The following SLC8A1 variants were observed in gnomAD, a reference collection of about 807,000 sequenced individuals.
SLC8A1 encodes the protein solute carrier family 8 member A1.
Under a neutral mutation model 68.3 loss-of-function variants are expected in SLC8A1, and 18 were observed. That is an observed-to-expected ratio of 0.26 (90% CI 0.18 to 0.39). The LOEUF (loss-of-function observed/expected upper bound fraction) is 0.39, where lower values mean the gene tolerates loss of function less well. Ranked by LOEUF, SLC8A1 falls within the 10% of genes least tolerant of loss-of-function variation. The pLI, the probability that SLC8A1 is intolerant of heterozygous loss-of-function variation, is 1.00. For synonymous variants in SLC8A1, 475 were observed against 415.5 expected (o/e 1.14, Z -1.74); for missense variants, 985 against 1,156.7 (o/e 0.85, Z 2.15).
chr2:40,350,312 T>G (rs1001837368), intron 2 of SLC8A1, among the ~76,000 whole-genome samples: 1 of 151,844 alleles, frequency 6.6e-6, no homozygotes, highest in African/African-American at 2.4e-5. Context: ...GGAGACTCTG[T>G]CTCTACAAAA....
chr2:40,473,593 C>T (rs1704116438), intron 1 of SLC8A1, among the ~76,000 whole-genome samples: 1 of 152,102 alleles, frequency 6.6e-6, no homozygotes, highest in African/African-American at 2.4e-5. Flanking sequence ...GTGTGTCTGG[C>T]CCATAAATAT....
chr2:40,384,097 CA>C (rs1682810156), intron 2 of SLC8A1, among the ~76,000 whole-genome samples: 1 of 145,770 alleles, frequency 6.9e-6, no homozygotes, highest in African/African-American at 2.7e-5. Context: ...CCCATCTCTA[CA>C]GTTTTTTTTT....
At chr2:40,359,580 T>G (rs1206095889) in intron 2 of SLC8A1, among the ~76,000 whole-genome samples, 1 of 152,064 alleles carries the variant, frequency 6.6e-6, no homozygotes, top group Non-Finnish European at 1.5e-5. Context: ...TATAACAGTT[T>G]GGTTTAGGGT....
chr2:40,157,481 A>G (rs2044767603), intron 6 of SLC8A1, among the ~76,000 whole-genome samples: 1 of 152,166 alleles, frequency 6.6e-6, no homozygotes, highest in Non-Finnish European at 1.5e-5. Context: ...GCTGTTGTGA[A>G]GAACAATATG....
intron 2 of SLC8A1, among the ~76,000 whole-genome samples, chr2:40,296,494 G>A: frequency 6.6e-6 from 1 of 152,140 alleles, no homozygotes; most frequent in East Asian, 1.9e-4. Flanking sequence ...GGGCATAATT[G>A]AAGTTCCCAA....
Position 40,175,247 on chromosome 2 carries a change from A to C in SLC8A1, c.1913-405T>G, listed in dbSNP as rs749939641. ...AGAAAAATGGAAAGGAAATGCAAGA[A>C]ATGAAATGCTTACCAAGCTCATTCA... is the stretch of plus-strand genomic sequence containing the variant. On this transcript the variant is annotated intron_variant, in intron 3 of 7. Transcript: ENST00000406785. 1 of 1,612,682 alleles carries C rather than the reference A, an allele frequency of 6.2e-7. No individual in the cohort carries two copies. The highest frequency in any genetic ancestry group is 8.5e-7 in the Non-Finnish European group (1 of 1,178,948).
Position 40,270,792 on chromosome 2 carries a change from T to C in SLC8A1, c.1809-92937A>G, listed in dbSNP as rs377305473. Among the ~76,000 whole-genome samples the C allele has an allele frequency of 3.9e-5, 6 of 152,124 alleles. No homozygotes were observed. The East Asian group carries it at 7.7e-4, about 20-fold the overall frequency. Reference sequence around the variant, plus strand: ...ATTACATTATTCCACTTACCACAGGTGGTAAGAGGTGGTGAGGAGGGAGGT... The same window carrying C: ...ATTACATTATTCCACTTACCACAGGCGGTAAGAGGTGGTGAGGAGGGAGGT... On this transcript the variant is annotated intron_variant, in intron 2 of 7. Coordinates refer to ENST00000406785, the Ensembl canonical transcript of SLC8A1.
intron 2 of SLC8A1, among the ~76,000 whole-genome samples, chr2:40,346,047 T>TAAAAAAAAAAAAAAAAAAAAAAA (rs774555210): frequency 2.4e-5 from 1 of 41,712 alleles, no homozygotes; most frequent in Non-Finnish European, 4.5e-5. Context: ...ACATTAACAG[T>TAAAAAAAAAAAAAAAAAAAAAAA]AAAAAAAAAA....
chr2:40,134,291 C>T (rs2040064530), intron 7 of SLC8A1, among the ~76,000 whole-genome samples: 1 of 151,962 alleles, frequency 6.6e-6, no homozygotes, highest in Admixed American at 6.6e-5. Flanking sequence ...AGGGTTTCAG[C>T]ATGTTGGCCA....
intron 2 of SLC8A1, among the ~76,000 whole-genome samples, chr2:40,335,958 G>C (rs1665842847): frequency 6.6e-6 from 1 of 152,214 alleles, no homozygotes; most frequent in African/African-American, 2.4e-5. Context: ...AAAGTCAGTG[G>C]GGAGAAAGGA....
At chr2:40,421,464 AC>A (rs1695484801) in intron 2 of SLC8A1, among the ~76,000 whole-genome samples, 1 of 152,138 alleles carries the variant, frequency 6.6e-6, no homozygotes. Context: ...AATACCTAGG[AC>A]CCCAGATATC....
chr2:40,357,590 C>T (rs6544325), intron 2 of SLC8A1, among the ~76,000 whole-genome samples: 77,626 of 151,082 alleles, frequency 0.51, 20,307 homozygotes, highest in Admixed American at 0.61. Context: ...CTAATGTAGA[C>T]GACAGGTTGA....
intron 2 of SLC8A1, among the ~76,000 whole-genome samples, chr2:40,405,549 C>G (rs1263139202): frequency 2.6e-5 from 4 of 152,178 alleles, no homozygotes; most frequent in African/African-American, 9.7e-5. Flanking sequence ...ATTCATTTTC[C>G]AATTTCTAAC....
intron 1 of SLC8A1, among the ~76,000 whole-genome samples, chr2:40,440,827 G>C (rs1700325595): frequency 6.6e-6 from 1 of 152,152 alleles, no homozygotes; most frequent in Non-Finnish European, 1.5e-5. Context: ...ATATCATACT[G>C]AATGGGCAAA....
At chr2:40,289,137 G>T (rs926907861) in intron 2 of SLC8A1, among the ~76,000 whole-genome samples, 1 of 150,910 alleles carries the variant, frequency 6.6e-6, no homozygotes, top group Admixed American at 6.6e-5. Flanking sequence ...AAACTTTTAC[G>T]CAATATCATT....
intron 2 of SLC8A1, among the ~76,000 whole-genome samples, chr2:40,410,806 C>T (rs1576251877): frequency 6.6e-6 from 1 of 152,040 alleles, no homozygotes; most frequent in Non-Finnish European, 1.5e-5. Context: ...AGCATTTTCA[C>T]ATACCTTATC....
At chr2:40,152,773 TG>T (rs2043693827) in intron 6 of SLC8A1, among the ~76,000 whole-genome samples, 1 of 151,780 alleles carries the variant, frequency 6.6e-6, no homozygotes, top group African/African-American at 2.4e-5. Context: ...GCAGCTTGGG[TG>T]GGACACTCAG....
rs536070429 is a variant in SLC8A1 at position 40,290,992 on chromosome 2, T to C, written c.1809-113137A>G. On this transcript the variant is annotated intron_variant, in intron 2 of 7. Transcript: ENST00000406785. ...CATCAGTGGGCAAACTTTCTAGACA[T>C]AAAAATTCAATGTAATCTACAGCAG... Among the ~76,000 whole-genome samples the C allele has an allele frequency of 3.6e-3, 541 of 152,288 alleles. 4 individuals carry two copies. Among genetic ancestry groups the C allele is most frequent in the African/African-American group, 0.013 (522 of 41,572 alleles).
intron 1 of SLC8A1, among the ~76,000 whole-genome samples, chr2:40,481,428 A>T (rs528244275): frequency 1.3e-5 from 2 of 152,328 alleles, no homozygotes; most frequent in East Asian, 3.9e-4. Context: ...AAAATTATTT[A>T]GTCTGCTTGA....
Sources: allele counts gnomAD v4.1 joint callset (sites outside exome capture counted in the v4.1 genomes callset), GRCh38; gene constraint gnomAD v4.1.1; transcripts MANE v1.5; gene names NCBI Gene and HGNC (gene_info 2026-07-23, HGNC 2026-07-21).